The following RNF2 variants were observed in gnomAD, a reference collection of about 807,000 sequenced individuals.
RNF2 encodes ring finger protein 2.
In RNF2, 6 loss-of-function variants were observed where a neutral mutation model predicts 37.2. That is an observed-to-expected ratio of 0.16 (90% CI 0.09 to 0.32). The LOEUF (loss-of-function observed/expected upper bound fraction) is 0.32, where lower values mean the gene tolerates loss of function less well. Among genes scored for constraint, RNF2 ranks in the 10% least tolerant of loss-of-function variants. RNF2 has a pLI of 1.00. For synonymous variants in RNF2, 133 were observed against 132.7 expected (o/e 1.00, Z -0.02); for missense variants, 251 against 404.0 (o/e 0.62, Z 3.25).
At position 185,102,274 on chromosome 1, in the gene RNF2, G is replaced by A. The variant is rs1251628125; in HGVS notation, c.*1973G>A. The A allele has an allele frequency of 2.0e-5, 3 of 151,958 alleles. No homozygotes were observed. The highest frequency in any genetic ancestry group is 4.8e-5 in the African/African-American group (2 of 41,408). 9.4% of individuals were successfully genotyped at this position (151,958 alleles called of 1,614,324 possible). Reference sequence around the variant, plus strand: ...TGTGTGGATGTGTGTTTTGGGGTACGGGGAGAGGCGATGCTATTGGCCATC... The same window carrying A: ...TGTGTGGATGTGTGTTTTGGGGTACAGGGAGAGGCGATGCTATTGGCCATC... On this transcript the variant is annotated 3_prime_UTR_variant, in exon 7 of 7. Transcript: ENST00000367510.
At chr1:185,067,423 AG>A (rs1486358715) in intron 1 of RNF2, among the ~76,000 whole-genome samples, 2 of 152,228 alleles carry the variant, frequency 1.3e-5, no homozygotes, top group Non-Finnish European at 2.9e-5. Context: ...CCTGTAAGCA[AG>A]CATTGCTTTA....
chr1:185,089,889 G>GGCCT (rs1404785725), intron 2 of RNF2, among the ~76,000 whole-genome samples: 1 of 151,760 alleles, frequency 6.6e-6, no homozygotes, highest in Admixed American at 6.6e-5. Flanking sequence ...AAATTAGCCA[G>GGCCT]GCCTGGTGGT....
At chr1:185,055,419 G>GT (rs1157550460) in intron 1 of RNF2, among the ~76,000 whole-genome samples, 1 of 152,016 alleles carries the variant, frequency 6.6e-6, no homozygotes, top group Admixed American at 6.6e-5. Flanking sequence ...TTGTTTGTTT[G>GT]TTGTTGTTGT....
At chr1:185,065,043 G>A (rs1033652320) in intron 1 of RNF2, among the ~76,000 whole-genome samples, 2 of 152,082 alleles carry the variant, frequency 1.3e-5, no homozygotes, top group South Asian at 2.1e-4. Context: ...CTTCTGGGTC[G>A]GGTGGGGACT....
intron 1 of RNF2, among the ~76,000 whole-genome samples, chr1:185,080,004 A>T (rs997858015): frequency 1.6e-4 from 24 of 152,102 alleles, no homozygotes; most frequent in African/African-American, 5.6e-4. Flanking sequence ...GTAGACCTAG[A>T]TCTTGTTCAG....
At chr1:185,092,177 C>G (rs1224532755) in intron 3 of RNF2, among the ~76,000 whole-genome samples, 1 of 149,756 alleles carries the variant, frequency 6.7e-6, no homozygotes, top group East Asian at 2.0e-4. Context: ...TCCCCTTTCC[C>G]CTTTCCTTTC....
intron 1 of RNF2, among the ~76,000 whole-genome samples, chr1:185,054,901 T>C (rs945949506): frequency 3.3e-5 from 5 of 152,228 alleles, no homozygotes; most frequent in African/African-American, 1.2e-4. Context: ...GGTTTCTCCA[T>C]GTTGCCCAGG....
At chr1:185,052,664 A>G (rs768839724) in intron 1 of RNF2, among the ~76,000 whole-genome samples, 26 of 152,228 alleles carry the variant, frequency 1.7e-4, no homozygotes, top group Middle Eastern at 3.2e-3. Flanking sequence ...ATGCCACTAA[A>G]TGTTCAATTT....
intron 1 of RNF2, among the ~76,000 whole-genome samples, chr1:185,057,819 AC>A (rs1464057426): frequency 2.0e-5 from 3 of 150,872 alleles, no homozygotes; most frequent in African/African-American, 7.3e-5. Context: ...AAAAAAAAAA[AC>A]AGTAAAACAG....
In RNF2 at chr1:185,101,939, G is replaced by A. The variant is rs1385880910; in HGVS notation, c.*1638G>A. Reference sequence around the variant, plus strand: ...ATTCCTTTTCTGGTGTAATGTTAAAGTTGTATAGATTATTAATGCATGCCC... The same window carrying A: ...ATTCCTTTTCTGGTGTAATGTTAAAATTGTATAGATTATTAATGCATGCCC... On this transcript the variant is annotated 3_prime_UTR_variant, in exon 7 of 7. Coordinates refer to ENST00000367510, the MANE Select transcript of RNF2 (RefSeq NM_007212.4). The A allele has an allele frequency of 1.4e-5, 2 of 142,990 alleles. No homozygotes were observed. The highest frequency in any genetic ancestry group is 3.0e-5 in the Non-Finnish European group (2 of 66,850). The allele number at this position is 142,990 out of a possible 1,614,324, so 8.9% of individuals were successfully genotyped here.
chr1:185,097,278 T>G (rs1651938537), intron 4 of RNF2, among the ~76,000 whole-genome samples: 1 of 152,212 alleles, frequency 6.6e-6, no homozygotes, highest in African/African-American at 2.4e-5. Context: ...GTTGGTTATT[T>G]AGATACCATC....
intron 1 of RNF2, among the ~76,000 whole-genome samples, chr1:185,055,556 A>G (rs1388565315): frequency 2.0e-5 from 3 of 152,154 alleles, no homozygotes; most frequent in African/African-American, 7.2e-5. Flanking sequence ...CTGGGATTAC[A>G]GGCGAGCGCC....
intron 1 of RNF2, among the ~76,000 whole-genome samples, chr1:185,078,995 A>C (rs1389128532): frequency 2.0e-5 from 3 of 151,998 alleles, no homozygotes; most frequent in Non-Finnish European, 4.4e-5. Context: ...AGTCCCTAAA[A>C]GATCATTCTG....
Position 185,100,543 on chromosome 1 carries a change from G to GCT in RNF2, c.*242_*243insCT. On this transcript the variant is annotated 3_prime_UTR_variant, in exon 7 of 7. Coordinates refer to ENST00000367510, the MANE Select transcript of RNF2 (RefSeq NM_007212.4). ...AAAAAATATATCTGAAGTTTCTTGT[G>GCT]TTTTTTTTTTTCCCCACAAAGTGTG... The GCT allele has an allele frequency of 4.0e-6, 1 of 252,132 alleles. No individual in the cohort carries two copies. The highest frequency in any genetic ancestry group is 7.4e-6 in the Non-Finnish European group (1 of 134,536). The allele number at this position is 252,132 out of a possible 1,614,324, so 15.6% of individuals were successfully genotyped here. A position where few individuals can be genotyped will look rare whatever the true frequency, so the allele number is the denominator to read the frequency against.
chr1:185,073,777 T>G (rs1408173310), intron 1 of RNF2, among the ~76,000 whole-genome samples: 1 of 152,256 alleles, frequency 6.6e-6, no homozygotes, highest in Non-Finnish European at 1.5e-5. Flanking sequence ...AATCTGTTTC[T>G]TCTCACAACA....
chr1:185,099,344 G>A (rs972353995), intron 5 of RNF2, among the ~76,000 whole-genome samples: 12 of 152,254 alleles, frequency 7.9e-5, no homozygotes, highest in Admixed American at 6.5e-4. Flanking sequence ...CACCACACCC[G>A]GCCCAAATGA....
At chr1:185,078,637 C>T (rs923541573) in intron 1 of RNF2, among the ~76,000 whole-genome samples, 4 of 152,130 alleles carry the variant, frequency 2.6e-5, no homozygotes, top group African/African-American at 9.7e-5. Context: ...TCCACTCATT[C>T]CAGCTGGGAT....
intron 1 of RNF2, chr1:185,045,987 C>G (rs1198172168): frequency 6.6e-6 from 1 of 151,734 alleles, no homozygotes; most frequent in East Asian, 2.0e-4. Flanking sequence ...CGCTGCGGCG[C>G]GGTCCCCTCG....
chr1:185,066,361 C>T (rs894180665), intron 1 of RNF2, among the ~76,000 whole-genome samples: 107 of 152,202 alleles, frequency 7.0e-4, no homozygotes, highest in Non-Finnish European at 1.3e-4. Flanking sequence ...ACATGCCATG[C>T]TGAGTGTACC....
Sources: allele counts gnomAD v4.1 joint callset (sites outside exome capture counted in the v4.1 genomes callset), GRCh38; gene constraint gnomAD v4.1.1; transcripts MANE v1.5; gene names NCBI Gene and HGNC (gene_info 2026-07-23, HGNC 2026-07-21).